Variants in TMEM45A observed in about 807,000 individuals in gnomAD.
The protein encoded by TMEM45A is transmembrane protein 45A, also known as DNA polymerase-transactivated protein 4.
Under a neutral mutation model 32.0 loss-of-function variants are expected in TMEM45A, and 25 were observed. The ratio of observed to expected loss-of-function variants is 0.78; its 90% CI spans 0.57 to 1.09. The LOEUF is 1.09. Among genes scored for constraint, TMEM45A ranks in the 50% least tolerant of loss-of-function variants. The probability of loss-of-function intolerance (pLI) is 0.00; values close to 1 mark genes in which losing one functional copy is unlikely to be tolerated. For missense variants in TMEM45A, 302 were observed against 325.0 expected, an observed-to-expected ratio of 0.93 and a Z score of 0.54; for synonymous variants, 122 against 114.8, an observed-to-expected ratio of 1.06 and a Z score of -0.40.
intron 1 of TMEM45A, among the ~76,000 whole-genome samples, chr3:100,496,100 T>G (rs1237900834): frequency 6.6e-6 from 1 of 152,214 alleles, no homozygotes; most frequent in Non-Finnish European, 1.5e-5. Flanking sequence ...ATGCTGCTGT[T>G]GACCACCTGT....
chr3:100,514,541 A>C (rs1708227482), intron 1 of TMEM45A, among the ~76,000 whole-genome samples: 1 of 151,958 alleles, frequency 6.6e-6, no homozygotes, highest in Non-Finnish European at 1.5e-5. Flanking sequence ...AAACCTAGGC[A>C]TTACCATTCA....
At chr3:100,570,306 C>A (rs1043203203) in intron 5 of TMEM45A, among the ~76,000 whole-genome samples, 1 of 152,186 alleles carries the variant, frequency 6.6e-6, no homozygotes, top group Non-Finnish European at 1.5e-5. Context: ...TAGACATGGA[C>A]CCCAAGTCAC....
At chr3:100,543,408 T>G (rs1705926136) in intron 1 of TMEM45A, among the ~76,000 whole-genome samples, 1 of 152,222 alleles carries the variant, frequency 6.6e-6, no homozygotes, top group Admixed American at 6.5e-5. Context: ...CATTTTCAAC[T>G]GTCCTAGCTA....
At chr3:100,500,920 C>A (rs1309476132) in intron 1 of TMEM45A, among the ~76,000 whole-genome samples, 1 of 152,110 alleles carries the variant, frequency 6.6e-6, no homozygotes, top group Non-Finnish European at 1.5e-5. Context: ...TTATTAAATT[C>A]TTTTTAGTAG....
chr3:100,493,346 C>A (rs1451648048), intron 1 of TMEM45A, among the ~76,000 whole-genome samples: 1 of 151,902 alleles, frequency 6.6e-6, no homozygotes, highest in East Asian at 1.9e-4. Context: ...ATTATCTGAT[C>A]TTTTCAGAAT....
chr3:100,541,785 C>T (rs1705886317), intron 1 of TMEM45A, among the ~76,000 whole-genome samples: 1 of 152,072 alleles, frequency 6.6e-6, no homozygotes, highest in Non-Finnish European at 1.5e-5. Context: ...CCCACCTAGG[C>T]CTCCCAAAGT....
chr3:100,528,123 G>T (rs1013793732), intron 1 of TMEM45A, among the ~76,000 whole-genome samples: 1 of 152,226 alleles, frequency 6.6e-6, no homozygotes, highest in Admixed American at 6.5e-5. Context: ...CTACACTTCT[G>T]TTGTTGCTAA....
intron 1 of TMEM45A, chr3:100,519,273 A>G (rs563181468): frequency 1.2e-3 from 549 of 459,626 alleles, no homozygotes; most frequent in Non-Finnish European, 2.0e-3. Context: ...GCACATCTTC[A>G]GTACGCATGA....
intron 1 of TMEM45A, among the ~76,000 whole-genome samples, chr3:100,538,405 C>T (rs927305640): frequency 6.6e-6 from 1 of 152,034 alleles, no homozygotes; most frequent in Non-Finnish European, 1.5e-5. Flanking sequence ...GAATAGAGAA[C>T]TTTCTCAACT....
chr3:100,511,704 T>G (rs1708165182), intron 1 of TMEM45A, among the ~76,000 whole-genome samples: 1 of 150,742 alleles, frequency 6.6e-6, no homozygotes, highest in Non-Finnish European at 1.5e-5. Flanking sequence ...TCAAGACCCA[T>G]CAGTGTGCTG....
chr3:100,553,360 A>G (rs2148979326), intron 1 of TMEM45A, among the ~76,000 whole-genome samples: 1 of 152,302 alleles, frequency 6.6e-6, no homozygotes, highest in African/African-American at 2.4e-5. Flanking sequence ...CCTTATTTTC[A>G]GTGGCTGCGT....
intron 2 of TMEM45A, among the ~76,000 whole-genome samples, chr3:100,556,157 G>C (rs1576288224): frequency 6.6e-6 from 1 of 151,974 alleles, no homozygotes; most frequent in South Asian, 2.1e-4. Context: ...ATTTTTGTAT[G>C]TTTAGTAGAG....
At chr3:100,499,013 A>G (rs1707973087) in intron 1 of TMEM45A, among the ~76,000 whole-genome samples, 1 of 151,968 alleles carries the variant, frequency 6.6e-6, no homozygotes, top group Admixed American at 6.6e-5. Flanking sequence ...CTTATTGGCC[A>G]TTTGTAAATC....
chr3:100,563,957 C>G (rs1706379692), intron 4 of TMEM45A, among the ~76,000 whole-genome samples: 1 of 152,242 alleles, frequency 6.6e-6, no homozygotes, highest in South Asian at 2.1e-4. Context: ...GTTGACACAT[C>G]TTGCCTTTAG....
intron 1 of TMEM45A, among the ~76,000 whole-genome samples, chr3:100,512,465 A>T (rs1185082703): frequency 6.6e-6 from 1 of 152,254 alleles, no homozygotes; most frequent in Non-Finnish European, 1.5e-5. Context: ...TCTGGGGCAC[A>T]TTCAAAGCAG....
At chr3:100,539,317 T>G (rs1004038772) in intron 1 of TMEM45A, among the ~76,000 whole-genome samples, 1 of 152,048 alleles carries the variant, frequency 6.6e-6, no homozygotes, top group African/African-American at 2.4e-5. Flanking sequence ...CAGCTGATCT[T>G]TGACAAAGGG....
At chr3:100,541,624 G>T (rs1343115503) in intron 1 of TMEM45A, among the ~76,000 whole-genome samples, 1 of 149,252 alleles carries the variant, frequency 6.7e-6, no homozygotes. Context: ...CACCTTCCTG[G>T]GATGAGGTGA....
intron 1 of TMEM45A, among the ~76,000 whole-genome samples, chr3:100,533,133 T>C (rs1392697218): frequency 6.6e-6 from 1 of 152,124 alleles, no homozygotes; most frequent in African/African-American, 2.4e-5. Flanking sequence ...CCTCCCTTCC[T>C]TCACTTAGCG....
intron 1 of TMEM45A, among the ~76,000 whole-genome samples, chr3:100,520,412 T>C (rs1270885208): frequency 1.3e-5 from 2 of 152,222 alleles, no homozygotes; most frequent in Non-Finnish European, 2.9e-5. Context: ...GCATAGAATA[T>C]GACTTTTGGG....
Sources: gnomAD v4.1 joint callset for allele counts (sites outside exome capture counted in the v4.1 genomes callset) on GRCh38, gnomAD v4.1.1 for gene constraint, MANE v1.5 for transcripts, NCBI Gene and HGNC (gene_info 2026-07-23, HGNC 2026-07-21) for gene names.